TAFA4: variants seen among roughly 807,000 people sequenced by gnomAD.
The protein encoded by TAFA4 is chemokine-like protein TAFA-4.
A neutral mutation model predicts 21.1 loss-of-function variants in TAFA4; 20 were observed. The observed-to-expected ratio is 0.95, with a 90% CI of 0.67 to 1.38. The LOEUF (loss-of-function observed/expected upper bound fraction) is 1.38. Ranked by LOEUF, TAFA4 falls within the 40% of genes most tolerant of loss-of-function variation. TAFA4 has a pLI of 0.00. For synonymous variants in TAFA4, 71 were observed against 67.4 expected, an observed-to-expected ratio of 1.05 and a Z score of -0.26; for missense variants, 211 against 180.9, an observed-to-expected ratio of 1.17 and a Z score of -0.95.
At chr3:68,841,807 C>T (rs143843259) in intron 3 of TAFA4, among the ~76,000 whole-genome samples, 2,297 of 151,716 alleles carry the variant, frequency 0.015, 59 homozygotes, top group African/African-American at 0.053. Flanking sequence ...TTTGGTTATT[C>T]GTCCTTGTGA....
At chr3:68,833,987 G>T (rs1352701104) in intron 3 of TAFA4, among the ~76,000 whole-genome samples, 1 of 152,150 alleles carries the variant, frequency 6.6e-6, no homozygotes, top group Non-Finnish European at 1.5e-5. Flanking sequence ...GAGGGGAGAG[G>T]CAGACACATA....
At chr3:68,796,408 T>TCACA (rs1703454380) in intron 3 of TAFA4, among the ~76,000 whole-genome samples, 1 of 152,118 alleles carries the variant, frequency 6.6e-6, no homozygotes, top group East Asian at 1.9e-4. Flanking sequence ...AAAGACACAG[T>TCACA]GCAACTATAA....
At chr3:68,825,126 T>A (rs2029473) in intron 3 of TAFA4, among the ~76,000 whole-genome samples, 42,598 of 152,086 alleles carry the variant, frequency 0.28, 6,789 homozygotes, top group Non-Finnish European at 0.37. Context: ...AGGGTTTCCC[T>A]CTCCGTGCTG....
chr3:68,930,970 C>A (rs9850135), intron 1 of TAFA4, among the ~76,000 whole-genome samples: 1 of 152,184 alleles, frequency 6.6e-6, no homozygotes, highest in Non-Finnish European at 1.5e-5. Flanking sequence ...AAACTGCCCC[C>A]ACCTCTTCCC....
chr3:68,752,772 T>G, intron 4 of TAFA4, 91 bp downstream of exon 4: 2 of 1,520,696 alleles, frequency 1.3e-6, no homozygotes, highest in South Asian at 2.3e-5. Context: ...ACCCTAGGTT[T>G]CTTTGGGTTG....
intron 3 of TAFA4, among the ~76,000 whole-genome samples, chr3:68,806,831 C>A (rs879793233): frequency 1.1e-4 from 16 of 151,168 alleles, no homozygotes; most frequent in Non-Finnish European, 1.6e-4. Context: ...TCTGACCATG[C>A]TAGAACCTAA....
chr3:68,777,979 C>T (rs1269013964), intron 3 of TAFA4, among the ~76,000 whole-genome samples: 2 of 152,122 alleles, frequency 1.3e-5, no homozygotes, highest in South Asian at 4.1e-4. Context: ...CATTACCTAA[C>T]AATATCTTTC....
intron 1 of TAFA4, among the ~76,000 whole-genome samples, chr3:68,893,890 T>C (rs1177210621): frequency 6.6e-6 from 1 of 152,220 alleles, no homozygotes; most frequent in African/African-American, 2.4e-5. Context: ...AACTGGTTTA[T>C]AATATGTATG....
chr3:68,762,837 A>G (rs1234114090), intron 3 of TAFA4, among the ~76,000 whole-genome samples: 3 of 152,248 alleles, frequency 2.0e-5, no homozygotes, highest in African/African-American at 7.2e-5. Flanking sequence ...CCAGGGATTC[A>G]AGACAAGCCT....
At chr3:68,898,439 G>C (rs1219169837) in intron 1 of TAFA4, among the ~76,000 whole-genome samples, 2 of 152,176 alleles carry the variant, frequency 1.3e-5, no homozygotes, top group African/African-American at 4.8e-5. Flanking sequence ...GATCACCTGA[G>C]GTCAGGAGAC....
At chr3:68,808,979 G>C (rs1703768938) in intron 3 of TAFA4, among the ~76,000 whole-genome samples, 1 of 152,162 alleles carries the variant, frequency 6.6e-6, no homozygotes, top group Non-Finnish European at 1.5e-5. Context: ...CTTTTGTCCA[G>C]GAGGTACACA....
chr3:68,897,407 C>T (rs576330222), intron 1 of TAFA4, among the ~76,000 whole-genome samples: 160 of 151,656 alleles, frequency 1.1e-3, no homozygotes, highest in Non-Finnish European at 1.6e-3. Context: ...GGGGCAGACA[C>T]CTGAGATCAG....
chr3:68,854,979 C>A (rs150604272), intron 3 of TAFA4, among the ~76,000 whole-genome samples: 56 of 152,264 alleles, frequency 3.7e-4, no homozygotes, highest in Non-Finnish European at 7.2e-4. Context: ...AATTCTAACA[C>A]CCTTGGTTCC....
chr3:68,817,230 G>A (rs991293588), intron 3 of TAFA4, among the ~76,000 whole-genome samples: 2 of 152,090 alleles, frequency 1.3e-5, no homozygotes, highest in African/African-American at 2.4e-5. Flanking sequence ...TTCCATCTCA[G>A]GAAACTACTT....
chr3:68,802,363 T>C (rs2106829328), intron 3 of TAFA4, among the ~76,000 whole-genome samples: 1 of 152,158 alleles, frequency 6.6e-6, no homozygotes, highest in African/African-American at 2.4e-5. Flanking sequence ...AATCAATCTG[T>C]CATCTTTAGA....
intron 3 of TAFA4, among the ~76,000 whole-genome samples, chr3:68,874,121 A>G (rs1368320422): frequency 6.6e-6 from 1 of 152,156 alleles, no homozygotes; most frequent in Non-Finnish European, 1.5e-5. Flanking sequence ...GAGACACCCA[A>G]CAATCTCAGG....
chr3:68,926,794 C>T (rs568049766), intron 1 of TAFA4, among the ~76,000 whole-genome samples: 2 of 152,128 alleles, frequency 1.3e-5, no homozygotes, highest in East Asian at 3.9e-4. Flanking sequence ...GCCTGTAATC[C>T]CAGCTACTAA....
chr3:68,827,287 G>A (rs1042990409), intron 3 of TAFA4, among the ~76,000 whole-genome samples: 2 of 151,946 alleles, frequency 1.3e-5, no homozygotes, highest in African/African-American at 2.4e-5. Context: ...GTCTATTATT[G>A]ATGGACATTT....
chr3:68,790,470 A>G (rs1286115723), intron 3 of TAFA4, among the ~76,000 whole-genome samples: 1 of 152,214 alleles, frequency 6.6e-6, no homozygotes, highest in Non-Finnish European at 1.5e-5. Context: ...CTATGCATAC[A>G]AATTAAAAGA....
Sources: allele counts gnomAD v4.1 joint callset (sites outside exome capture counted in the v4.1 genomes callset), GRCh38; gene constraint gnomAD v4.1.1; transcripts MANE v1.5; gene names NCBI Gene and HGNC (gene_info 2026-07-23, HGNC 2026-07-21).